The following SLC35F1 variants were observed in gnomAD, a reference collection of about 807,000 sequenced individuals.
The protein encoded by SLC35F1 is solute carrier family 35 member F1.
SLC35F1 carries 14 observed loss-of-function variants against 48.7 expected under a neutral mutation model. The ratio of observed to expected loss-of-function variants is 0.29; its 90% CI spans 0.19 to 0.45. The LOEUF (loss-of-function observed/expected upper bound fraction) is 0.45. Ranked by LOEUF, SLC35F1 falls within the 20% of genes least tolerant of loss-of-function variation. The pLI is 1.00. For synonymous variants in SLC35F1, 190 were observed against 202.2 expected (o/e 0.94, Z 0.51); for missense variants, 404 against 500.0 (o/e 0.81, Z 1.83).
chr6:118,231,792 T>G (rs943792585), intron 2 of SLC35F1, among the ~76,000 whole-genome samples: 5 of 152,230 alleles, frequency 3.3e-5, no homozygotes, highest in African/African-American at 1.2e-4. Flanking sequence ...TGTATTGAGA[T>G]GTGGCTGGTG....
intron 1 of SLC35F1, among the ~76,000 whole-genome samples, chr6:118,089,193 A>G (rs1279382170): frequency 6.6e-6 from 1 of 152,166 alleles, no homozygotes; most frequent in African/African-American, 2.4e-5. Context: ...AACCATTTTT[A>G]TAATTTACTA....
chr6:118,252,322 T>C (rs1266473617), intron 3 of SLC35F1, among the ~76,000 whole-genome samples: 1 of 152,030 alleles, frequency 6.6e-6, no homozygotes, highest in East Asian at 1.9e-4. Flanking sequence ...GGTGGTTTGA[T>C]GCATTCAGTA....
At chr6:118,041,415 C>G (rs1206252248) in intron 1 of SLC35F1, among the ~76,000 whole-genome samples, 1 of 152,106 alleles carries the variant, frequency 6.6e-6, no homozygotes, top group East Asian at 1.9e-4. Context: ...GCCTGTCAAC[C>G]CTGATGGCCA....
intron 1 of SLC35F1, among the ~76,000 whole-genome samples, chr6:117,954,292 G>A (rs1382977590): frequency 6.6e-6 from 1 of 151,830 alleles, no homozygotes; most frequent in East Asian, 1.9e-4. Context: ...TTTCGCTCTT[G>A]TTGCCCAGGC....
At chr6:117,995,612 G>GCACCTGTAATCCCAGCTGGAC (rs1300932877) in intron 1 of SLC35F1, among the ~76,000 whole-genome samples, 1 of 152,058 alleles carries the variant, frequency 6.6e-6, no homozygotes, top group Non-Finnish European at 1.5e-5. Context: ...GTGGTCGTGG[G>GCACCTGTAATCCCAGCTGGAC]CACCTGTAAT....
chr6:118,162,223 A>C lies in SLC35F1; in HGVS notation c.349+7603A>C, dbSNP rs1398379317. Among the ~76,000 whole-genome samples the C allele has an allele frequency of 6.6e-5, 10 of 152,238 alleles. No homozygotes were observed. In the East Asian group the frequency reaches 1.9e-3, roughly 29 times the overall value. ...ACTGATACGTATAATAGTATGGGTT[A>C]ATCTCAAAAGCATTACACTAAGTGC... On this transcript the variant is annotated intron_variant, in intron 2 of 7. Coordinates refer to ENST00000360388, the MANE Select transcript of SLC35F1 (RefSeq NM_001029858.4).
At chr6:118,255,539 C>T (rs1202572616) in intron 3 of SLC35F1, among the ~76,000 whole-genome samples, 1 of 152,136 alleles carries the variant, frequency 6.6e-6, no homozygotes, top group Non-Finnish European at 1.5e-5. Context: ...TTCCGGTCAC[C>T]TAGATTTCTA....
rs368503344 is a variant in SLC35F1 at position 118,156,669 on chromosome 6, A to AAAAATAAAATAAAATAAAATAAAAT, written c.349+2057_349+2081dup. Among the ~76,000 whole-genome samples the AAAAATAAAATAAAATAAAATAAAAT allele has an allele frequency of 5.6e-3, 793 of 140,534 alleles. 7 individuals carry two copies. Among genetic ancestry groups the AAAAATAAAATAAAATAAAATAAAAT allele is most frequent in the South Asian group, 0.012 (51 of 4,398 alleles). The allele number at this position is 140,534 out of a possible 152,430, so 92.2% of individuals were successfully genotyped here. Reference sequence around the variant, plus strand: ...GTACCCTAGAACTGAAAGTATAATAAAAAATAAAATAAAATAAAATAAAAT... The same window carrying AAAAATAAAATAAAATAAAATAAAAT: ...GTACCCTAGAACTGAAAGTATAATAAAAAATAAAATAAAATAAAATAAAATAAAATAAAATAAAATAAAATAAAAT... On this transcript the variant is annotated intron_variant, in intron 2 of 7. Coordinates refer to ENST00000360388, the MANE Select transcript of SLC35F1 (RefSeq NM_001029858.4).
At chr6:118,113,024 A>G (rs1212655717) in intron 1 of SLC35F1, among the ~76,000 whole-genome samples, 1 of 152,198 alleles carries the variant, frequency 6.6e-6, no homozygotes, top group African/African-American at 2.4e-5. Flanking sequence ...CGTAGAATGT[A>G]CAACACCAAG....
chr6:118,065,175 C>T (rs187945682), intron 1 of SLC35F1, among the ~76,000 whole-genome samples: 5 of 152,264 alleles, frequency 3.3e-5, no homozygotes, highest in African/African-American at 9.6e-5. Context: ...TCACATGGAA[C>T]TTTCCAGGTA....
At chr6:118,095,022 C>T (rs910648027) in intron 1 of SLC35F1, among the ~76,000 whole-genome samples, 7 of 151,482 alleles carry the variant, frequency 4.6e-5, no homozygotes, top group Non-Finnish European at 1.0e-4. Context: ...ATTCGAGCTA[C>T]TCGAGAGGCT....
chr6:118,272,553 A>T (rs1488809079), intron 4 of SLC35F1, among the ~76,000 whole-genome samples: 1 of 152,050 alleles, frequency 6.6e-6, no homozygotes, highest in Non-Finnish European at 1.5e-5. Flanking sequence ...TTAATGCAAT[A>T]TGTTATAATT....
At chr6:118,262,584 G>A (rs1169568854) in intron 3 of SLC35F1, among the ~76,000 whole-genome samples, 1 of 152,132 alleles carries the variant, frequency 6.6e-6, no homozygotes, top group African/African-American at 2.4e-5. Flanking sequence ...CGATCTAGCA[G>A]TCCAGACGCT....
chr6:117,932,839 G>T (rs1046595663), intron 1 of SLC35F1, among the ~76,000 whole-genome samples: 1 of 152,128 alleles, frequency 6.6e-6, no homozygotes, highest in Non-Finnish European at 1.5e-5. Flanking sequence ...ACATATTTGA[G>T]TGGGATTCCA....
intron 1 of SLC35F1, among the ~76,000 whole-genome samples, chr6:118,102,306 C>T (rs1402917480): frequency 6.6e-6 from 1 of 152,002 alleles, no homozygotes; most frequent in Non-Finnish European, 1.5e-5. Context: ...ACCTCAGCCT[C>T]CCGAGTAGCT....
chr6:118,103,813 T>C (rs1161177006), intron 1 of SLC35F1, among the ~76,000 whole-genome samples: 2 of 152,138 alleles, frequency 1.3e-5, no homozygotes, highest in Non-Finnish European at 2.9e-5. Flanking sequence ...CAGGCAACCT[T>C]GAAATGTTTT....
intron 1 of SLC35F1, among the ~76,000 whole-genome samples, chr6:118,055,717 A>T (rs1051328998): frequency 5.3e-5 from 8 of 152,206 alleles, no homozygotes; most frequent in African/African-American, 1.9e-4. Flanking sequence ...AGCTGACTCC[A>T]GAACTGCCCC....
At chr6:117,910,045 A>G (rs138631700) in intron 1 of SLC35F1, among the ~76,000 whole-genome samples, 111 of 152,320 alleles carry the variant, frequency 7.3e-4, no homozygotes, top group African/African-American at 2.6e-3. Context: ...CCTTATCCTT[A>G]AAGGATAAGA....
intron 1 of SLC35F1, among the ~76,000 whole-genome samples, chr6:118,012,887 G>C (rs1448420228): frequency 6.6e-6 from 1 of 151,636 alleles, no homozygotes. Flanking sequence ...AGCCTTCTAT[G>C]GTGGTTACTT....
Sources: gnomAD v4.1 joint callset for allele counts (sites outside exome capture counted in the v4.1 genomes callset) on GRCh38, gnomAD v4.1.1 for gene constraint, MANE v1.5 for transcripts, NCBI Gene and HGNC (gene_info 2026-07-23, HGNC 2026-07-21) for gene names.